The following SPAG16 variants were observed in gnomAD, a reference collection of about 807,000 sequenced individuals.
SPAG16 encodes sperm-associated antigen 16 protein.
Under a neutral mutation model 80.4 loss-of-function variants are expected in SPAG16, and 86 were observed. The observed-to-expected ratio is 1.07, with a 90% CI of 0.90 to 1.28. SPAG16 has a LOEUF of 1.28. Ranked by LOEUF, SPAG16 falls within the 50% of genes most tolerant of loss-of-function variation. The pLI, the probability that SPAG16 is intolerant of heterozygous loss-of-function variation, is 0.00. For synonymous variants in SPAG16, 294 were observed against 265.9 expected (o/e 1.11, Z -1.03); for missense variants, 870 against 765.3 (o/e 1.14, Z -1.61).
intron 10 of SPAG16, among the ~76,000 whole-genome samples, chr2:213,497,445 T>A (rs1271060831): frequency 1.4e-5 from 2 of 147,964 alleles, no homozygotes; most frequent in African/African-American, 5.3e-5. Flanking sequence ...TGTTCTACCT[T>A]GTTTTTTTTT....
intron 5 of SPAG16, among the ~76,000 whole-genome samples, chr2:213,326,005 G>A (rs1464885016): frequency 2.0e-5 from 3 of 151,836 alleles, no homozygotes; most frequent in African/African-American, 7.3e-5. Flanking sequence ...GCATTTATTT[G>A]GGGTAGGCAT....
Position 213,862,488 on chromosome 2 carries a change from C to A in SPAG16, c.1074C>A (p.Val358=). 6.2e-7 allele frequency: 1 copy of A among 1,613,942 alleles called. No homozygotes were observed. The highest frequency in any genetic ancestry group is 8.5e-7 in the Non-Finnish European group (1 of 1,179,834). The change falls in exon 11 of 16, where the codon GTC becomes GTA. Residue 358 remains valine, a synonymous_variant. Transcript: ENST00000331683. ...FRLHELPVSC[V]SMQPHKDILV... is the part of the protein sequence containing the mutation. ...TTTTTTCTTTCTCCTCGCGCAGTGTCTCCATGCAACCCCACAAAGACATCC... is the reference window on the plus strand; with the variant it reads ...TTTTTTCTTTCTCCTCGCGCAGTGTATCCATGCAACCCCACAAAGACATCC...
At chr2:214,182,153 A>G (rs951409689) in intron 15 of SPAG16, among the ~76,000 whole-genome samples, 9 of 151,724 alleles carry the variant, frequency 5.9e-5, no homozygotes, top group African/African-American at 1.5e-4. Flanking sequence ...ATACATATAT[A>G]TATTGTACAT....
chr2:213,533,558 A>G (rs2076145393), intron 10 of SPAG16, among the ~76,000 whole-genome samples: 1 of 152,144 alleles, frequency 6.6e-6, no homozygotes, highest in South Asian at 2.1e-4. Flanking sequence ...ATGGTACCAT[A>G]GGTTGATTGT....
chr2:214,293,394 C>G (rs1272254168), intron 15 of SPAG16, among the ~76,000 whole-genome samples: 1 of 152,164 alleles, frequency 6.6e-6, no homozygotes. Flanking sequence ...ATCCTGACCT[C>G]AGACCCTGGC....
intron 10 of SPAG16, among the ~76,000 whole-genome samples, chr2:213,524,804 C>T (rs1211737346): frequency 1.3e-5 from 2 of 152,120 alleles, no homozygotes; most frequent in Non-Finnish European, 2.9e-5. Context: ...TTTACAGGCT[C>T]ATGGTTGGAA....
chr2:213,550,748 A>G (rs373647421), intron 10 of SPAG16, among the ~76,000 whole-genome samples: 1 of 152,106 alleles, frequency 6.6e-6, no homozygotes, highest in South Asian at 2.1e-4. Flanking sequence ...TTTATTGGCT[A>G]TGGGGAATAA....
At position 214,039,782 on chromosome 2, in the gene SPAG16, G is replaced by T. The variant is rs181062142; in HGVS notation, c.1527+25705G>T. 9.2e-5 allele frequency among the ~76,000 whole-genome samples: 14 copies of T among 152,314 alleles called. No individual in the cohort carries two copies. The East Asian group carries it at 2.5e-3, about 27-fold the overall frequency. ...CTTTGTTTTTGTATTTGGCAATAAA[G>T]ATAAAGTTTAATACACATGAAGCTG... On this transcript the variant is annotated intron_variant, in intron 13 of 15. Coordinates refer to ENST00000331683, the MANE Select transcript of SPAG16 (RefSeq NM_024532.5).
intron 9 of SPAG16, among the ~76,000 whole-genome samples, chr2:213,398,958 C>T (rs1030787841): frequency 1.3e-4 from 20 of 152,124 alleles, no homozygotes; most frequent in Non-Finnish European, 2.8e-4. Flanking sequence ...TATAGATATG[C>T]ATTGATTACT....
intron 5 of SPAG16, among the ~76,000 whole-genome samples, chr2:213,329,570 G>A (rs1415665507): frequency 2.0e-5 from 3 of 152,168 alleles, no homozygotes; most frequent in Non-Finnish European, 4.4e-5. Flanking sequence ...GGTGACTTGG[G>A]TGCTGTTAAA....
At chr2:213,329,517 A>G (rs1648732931) in intron 5 of SPAG16, among the ~76,000 whole-genome samples, 1 of 152,168 alleles carries the variant, frequency 6.6e-6, no homozygotes, top group African/African-American at 2.4e-5. Flanking sequence ...GATTTAGGTT[A>G]TTATCTGGTG....
chr2:214,332,119 G>A (rs1185415982), intron 15 of SPAG16, among the ~76,000 whole-genome samples: 4 of 152,132 alleles, frequency 2.6e-5, no homozygotes, highest in African/African-American at 9.7e-5. Context: ...GGGCATGGTG[G>A]CATGCTCCTG....
chr2:213,906,724 C>G (rs2077449471), intron 11 of SPAG16, among the ~76,000 whole-genome samples: 1 of 152,024 alleles, frequency 6.6e-6, no homozygotes, highest in Non-Finnish European at 1.5e-5. Context: ...TATTTACAGC[C>G]AACTGATTTT....
chr2:214,074,106 A>C (rs1340998184), intron 13 of SPAG16, among the ~76,000 whole-genome samples: 6 of 152,058 alleles, frequency 3.9e-5, no homozygotes, highest in Admixed American at 2.6e-4. Flanking sequence ...GAGTTCTCTC[A>C]CTCTCTGCTA....
chr2:213,369,526 A>G (rs2066515274), intron 8 of SPAG16, among the ~76,000 whole-genome samples: 1 of 152,154 alleles, frequency 6.6e-6, no homozygotes, highest in Admixed American at 6.5e-5. Context: ...TACAGTGCAT[A>G]ATTTACCTAC....
At chr2:213,284,989 A>AT (rs1196940612) in intron 1 of SPAG16, among the ~76,000 whole-genome samples, 1 of 152,192 alleles carries the variant, frequency 6.6e-6, no homozygotes, top group East Asian at 1.9e-4. Flanking sequence ...AATCTTTCAG[A>AT]AAGCCGTCCC....
chr2:213,684,254 A>G (rs1421550515), intron 10 of SPAG16, among the ~76,000 whole-genome samples: 1 of 152,222 alleles, frequency 6.6e-6, no homozygotes. Context: ...CTTGTAGCTT[A>G]TGCCTTGTGT....
At chr2:213,408,470 G>C (rs1050110374) in intron 9 of SPAG16, among the ~76,000 whole-genome samples, 3 of 152,304 alleles carry the variant, frequency 2.0e-5, no homozygotes, top group Non-Finnish European at 4.4e-5. Flanking sequence ...AAAGCAAAAA[G>C]GTAGCTTACT....
chr2:213,418,783 A>T (rs921073825), intron 9 of SPAG16, among the ~76,000 whole-genome samples: 1 of 152,158 alleles, frequency 6.6e-6, no homozygotes, highest in Non-Finnish European at 1.5e-5. Flanking sequence ...TTGAATCCCT[A>T]CATAGATTAC....
Sources: allele counts gnomAD v4.1 joint callset (sites outside exome capture counted in the v4.1 genomes callset), GRCh38; gene constraint gnomAD v4.1.1; transcripts MANE v1.5; gene names NCBI Gene and HGNC (gene_info 2026-07-23, HGNC 2026-07-21).